Variants in KNTC1 observed in about 807,000 individuals in gnomAD.
KNTC1 encodes the protein kinetochore-associated protein 1.
KNTC1 carries 253 observed loss-of-function variants against 314.4 expected under a neutral mutation model. The observed-to-expected ratio is 0.80, with a 90% CI of 0.73 to 0.89. The LOEUF is 0.89. Ranked by LOEUF, KNTC1 falls within the 40% of genes least tolerant of loss-of-function variation. KNTC1 has a pLI of 0.00. For missense variants in KNTC1, 2,475 were observed against 2,572.9 expected, an observed-to-expected ratio of 0.96 and a Z score of 0.82; for synonymous variants, 901 against 901.4, an observed-to-expected ratio of 1.00 and a Z score of 0.01.
At position 122,581,044 on chromosome 12, in the gene KNTC1, AG is replaced by A. The variant is rs1257987361; in HGVS notation, c.2982+375del. On this transcript the variant is annotated intron_variant, in intron 33 of 63. Coordinates refer to ENST00000333479, the MANE Select transcript of KNTC1 (RefSeq NM_014708.6). ...CTCCATCTCAAAAAAAAAAAAAAAA[AG>A]TTTTTTGCACTAGCCTTTAGGGACT... Among the ~76,000 whole-genome samples, 166 of 138,780 alleles carry A rather than the reference AG, an allele frequency of 1.2e-3. 4 individuals carry two copies. In the East Asian group the frequency reaches 0.033, roughly 28 times the overall value. The allele number at this position is 138,780 out of a possible 152,430, so 91.0% of individuals were successfully genotyped here. A position where few individuals can be genotyped will look rare whatever the true frequency, so the allele number is the denominator to read the frequency against.
At chr12:122,570,736 A>G in intron 22 of KNTC1, 140 bp from the exon 23 acceptor site, 1 of 632,708 alleles carries the variant, frequency 1.6e-6, no homozygotes, top group Admixed American at 2.8e-5. Context: ...ACGTGCCCAC[A>G]CACAAGCAAA....
intron 34 of KNTC1, 24 bp downstream of exon 34, chr12:122,583,009 G>A (rs777490852): frequency 1.3e-6 from 2 of 1,577,758 alleles, no homozygotes; most frequent in Admixed American, 1.8e-5. Context: ...TCCCTGAATT[G>A]CATAGCTTCT....
chr12:122,584,798 C>T, intron 35 of KNTC1, 95 bp from the exon 36 acceptor site: 1 of 700,346 alleles, frequency 1.4e-6, no homozygotes, highest in South Asian at 2.0e-5. Flanking sequence ...TTGTGGCCTT[C>T]CTTAGAATTT....
chr12:122,590,464 TTC>T (rs1353028071), intron 40 of KNTC1, 141 bp from the exon 41 acceptor site: 17 of 723,960 alleles, frequency 2.3e-5, no homozygotes, highest in Admixed American at 2.2e-4. Context: ...AGACACTGAA[TTC>T]TGTTTTTTTT....
At position 122,573,100 on chromosome 12, in the gene KNTC1, G is replaced by A. The variant is rs746130750; in HGVS notation, c.2140-42G>A. ...AGAATTATTTTGTATATCAAGTTAT[G>A]GGTAGAGTCTGTATTTATTCCATCT... On this transcript the variant is annotated intron_variant, in intron 25 of 63. Coordinates refer to ENST00000333479, the MANE Select transcript of KNTC1 (RefSeq NM_014708.6). 33 of 1,613,354 alleles carry A rather than the reference G, an allele frequency of 2.0e-5. No homozygotes were observed. In the East Asian group the frequency reaches 7.4e-4, roughly 36 times the overall value.
intron 50 of KNTC1, 70 bp downstream of exon 50, chr12:122,605,157 T>C: frequency 7.4e-7 from 1 of 1,346,154 alleles, no homozygotes; most frequent in Non-Finnish European, 1.0e-6. Context: ...TATGTATATA[T>C]GTACGTGTAC....
intron 12 of KNTC1, among the ~76,000 whole-genome samples, chr12:122,549,482 T>C (rs1963038307): frequency 6.6e-6 from 1 of 152,130 alleles, no homozygotes; most frequent in Non-Finnish European, 1.5e-5. Context: ...CCCCAGTAGC[T>C]GTGATTATCC....
chr12:122,557,355 T>G, intron 16 of KNTC1, 29 bp from the exon 17 acceptor site: 1 of 1,595,838 alleles, frequency 6.3e-7, no homozygotes, highest in Non-Finnish European at 8.5e-7. Flanking sequence ...GTACTTCAAA[T>G]TGCTTGATGT....
chr12:122,607,473 C>T (rs886334460), intron 51 of KNTC1, among the ~76,000 whole-genome samples: 1 of 152,070 alleles, frequency 6.6e-6, no homozygotes, highest in Non-Finnish European at 1.5e-5. Flanking sequence ...CTCCAATTTG[C>T]GCTTGTCTAA....
At chr12:122,528,531 T>C (rs1236906660) in intron 1 of KNTC1, among the ~76,000 whole-genome samples, 1 of 152,190 alleles carries the variant, frequency 6.6e-6, no homozygotes, top group East Asian at 1.9e-4. Flanking sequence ...GGCAAAATAG[T>C]GAGACCCTCG....
intron 59 of KNTC1, among the ~76,000 whole-genome samples, chr12:122,619,661 C>T (rs1014522198): frequency 6.0e-4 from 91 of 151,824 alleles, no homozygotes; most frequent in Admixed American, 2.0e-4. Flanking sequence ...ATCCACCTGC[C>T]TCGGCCTCCC....
At chr12:122,552,990 G>A (rs1278233560) in intron 16 of KNTC1, among the ~76,000 whole-genome samples, 1 of 151,628 alleles carries the variant, frequency 6.6e-6, no homozygotes, top group African/African-American at 2.4e-5. Flanking sequence ...TAAAAATACT[G>A]TACTAACAAT....
At chr12:122,564,779 C>A (rs890179389) in intron 20 of KNTC1, among the ~76,000 whole-genome samples, 3 of 151,986 alleles carry the variant, frequency 2.0e-5, no homozygotes, top group Non-Finnish European at 2.9e-5. Context: ...GTGCTCATTT[C>A]TTTAACACAA....
chr12:122,547,566 CT>C, intron 11 of KNTC1, 36 bp downstream of exon 11: 1 of 1,226,424 alleles, frequency 8.2e-7, no homozygotes. Context: ...CATTTCCCTT[CT>C]GTTAGTACCA....
chr12:122,615,643 C>A, intron 57 of KNTC1, 117 bp downstream of exon 57: 1 of 971,500 alleles, frequency 1.0e-6, no homozygotes, highest in Non-Finnish European at 1.5e-6. Flanking sequence ...AGAACTGAGC[C>A]AAGTACAGTG....
At chr12:122,616,661 T>C (rs924553637) in intron 57 of KNTC1, among the ~76,000 whole-genome samples, 3 of 152,222 alleles carry the variant, frequency 2.0e-5, no homozygotes, top group African/African-American at 7.2e-5. Flanking sequence ...CTAAACAAAG[T>C]GTTGTTTTCA....
Position 122,622,614 on chromosome 12 carries a change from T to G in KNTC1, c.6515+7T>G, listed in dbSNP as rs1874561111. 6.7e-7 allele frequency: 1 copy of G among 1,495,990 alleles called. No individual in the cohort carries two copies. The highest frequency in any genetic ancestry group is 1.3e-5 in the South Asian group (1 of 75,262). The allele number at this position is 1,495,990 out of a possible 1,614,324, so 92.7% of individuals were successfully genotyped here. On this transcript the variant is annotated splice_region_variant and intron_variant, in intron 62 of 63. Transcript: ENST00000333479. ...ATTTGGCAAATGACTTAAGGTAAGT[T>G]AATTAAAAAAAAAAAAACTTACTGT...
At chr12:122,533,215 G>T (rs901858671) in intron 2 of KNTC1, among the ~76,000 whole-genome samples, 5 of 150,348 alleles carry the variant, frequency 3.3e-5, no homozygotes, top group Non-Finnish European at 7.4e-5. Flanking sequence ...TGCCCAGGCT[G>T]GAGTGCAGTG....
At chr12:122,606,335 A>G (rs541843660) in intron 51 of KNTC1, among the ~76,000 whole-genome samples, 1 of 145,950 alleles carries the variant, frequency 6.9e-6, no homozygotes, top group South Asian at 2.1e-4. Flanking sequence ...CTCCCTCCTC[A>G]GCTTCCCGAG....
Sources: gnomAD v4.1 joint callset for allele counts (sites outside exome capture counted in the v4.1 genomes callset) on GRCh38, gnomAD v4.1.1 for gene constraint, MANE v1.5 for transcripts, NCBI Gene and HGNC (gene_info 2026-07-23, HGNC 2026-07-21) for gene names.